The following ATP7B variants were observed in gnomAD, a reference collection of about 807,000 sequenced individuals.
The protein encoded by ATP7B is copper-transporting ATPase 2.
In ATP7B, 113 loss-of-function variants were observed where a neutral mutation model predicts 118.9. The ratio of observed to expected loss-of-function variants is 0.95; its 90% CI spans 0.82 to 1.11. The LOEUF (loss-of-function observed/expected upper bound fraction) is 1.11, where lower values mean the gene tolerates loss of function less well. Ranked by LOEUF, ATP7B falls within the 50% of genes most tolerant of loss-of-function variation. The pLI, the probability that ATP7B is intolerant of heterozygous loss-of-function variation, is 0.00. For synonymous variants in ATP7B, 777 were observed against 727.4 expected (o/e 1.07, Z -1.10); for missense variants, 1,867 against 1,871.4 (o/e 1.00, Z 0.04).
intron 4 of ATP7B, chr13:51,966,901 A>G: frequency 1.9e-6 from 3 of 1,613,180 alleles, no homozygotes; most frequent in Non-Finnish European, 2.5e-6. Context: ...AAACCTCACC[A>G]CAAAAACCGA....
chr13:51,997,888 G>T (rs1234592025), intron 1 of ATP7B, among the ~76,000 whole-genome samples: 5 of 152,136 alleles, frequency 3.3e-5, no homozygotes, highest in Non-Finnish European at 5.9e-5. Context: ...CGGGGAGGGT[G>T]GGAAGAAGGC....
chr13:51,981,199 T>C (rs930345117), intron 1 of ATP7B, among the ~76,000 whole-genome samples: 5 of 152,174 alleles, frequency 3.3e-5, no homozygotes, highest in African/African-American at 1.2e-4. Context: ...AAACAACTTT[T>C]AGAGTAACCT....
intron 3 of ATP7B, among the ~76,000 whole-genome samples, chr13:51,969,487 G>A (rs189473439): frequency 4.8e-4 from 72 of 150,478 alleles, no homozygotes; most frequent in African/African-American, 1.7e-3. Flanking sequence ...AAAAAATAAA[G>A]AATTTTCAAA....
intron 1 of ATP7B, among the ~76,000 whole-genome samples, chr13:52,007,310 G>C (rs1953820014): frequency 6.6e-6 from 1 of 152,150 alleles, no homozygotes; most frequent in African/African-American, 2.4e-5. Flanking sequence ...AGTCAGGCAG[G>C]CCTGGCTAGG....
In ATP7B at chr13:51,974,914, A is replaced by G. The variant is rs1342474321; in HGVS notation, c.306T>C (p.Tyr102=). Reference sequence around the variant, plus strand: ...GTTGCAGGCACACAACCGATGGCACATATTTCACAGTGGCACTGCCTTGTT... The same window carrying G: ...GTTGCAGGCACACAACCGATGGCACGTATTTCACAGTGGCACTGCCTTGTT... ...SLEQGSATVK[Y]VPSVVCLQQV... Residue 102 remains tyrosine (Y), a synonymous_variant, in exon 2 of 21, where the codon TAT becomes TAC. Transcript: ENST00000242839. The G allele has an allele frequency of 6.2e-7, 1 of 1,614,236 alleles. No homozygotes were observed. Among genetic ancestry groups the G allele is most frequent in the African/African-American group, 1.3e-5 (1 of 75,068 alleles).
rs1457541677 is a variant in ATP7B, at chr13:51,949,695, A to G, written c.2832T>C (p.Phe944=). The G allele has an allele frequency of 4.3e-6, 7 of 1,614,086 alleles. No homozygotes were observed. The highest frequency in any genetic ancestry group is 5.9e-6 in the Non-Finnish European group (7 of 1,179,994). ...LTLVVWIVIG[F]IDFGVVQRYF... ...ATCTCTGAACAACACCAAAATCGAT[A>G]AAACCGATTACAATCCATACCACCA... The change falls in exon 12 of 21, where the codon TTT becomes TTC. Residue 944 remains phenylalanine, a synonymous_variant. Transcript: ENST00000242839.
chr13:51,988,355 G>A (rs1952756738), intron 1 of ATP7B, among the ~76,000 whole-genome samples: 1 of 152,182 alleles, frequency 6.6e-6, no homozygotes, highest in South Asian at 2.1e-4. Context: ...ACCACAATGA[G>A]ATACCATCTC....
chr13:52,008,122 A>T (rs1052396284), intron 1 of ATP7B, among the ~76,000 whole-genome samples: 1 of 152,080 alleles, frequency 6.6e-6, no homozygotes, highest in Admixed American at 6.5e-5. Flanking sequence ...TGGGCGGATC[A>T]CGAGATCAAG....
intron 7 of ATP7B, chr13:51,959,332 C>G (rs967902631): frequency 2.6e-5 from 4 of 152,560 alleles, no homozygotes; most frequent in Non-Finnish European, 5.8e-5. Flanking sequence ...GAGTTTGAGA[C>G]CAACCTGGGC....
Position 52,011,356 on chromosome 13 carries a change from A to C in ATP7B, c.-19T>G, listed in dbSNP as rs1401019027. 1 of 1,614,090 alleles carries C rather than the reference A, an allele frequency of 6.2e-7. No individual in the cohort carries two copies. Among genetic ancestry groups the C allele is most frequent in the Non-Finnish European group, 8.5e-7 (1 of 1,180,010 alleles). On this transcript the variant is annotated 5_prime_UTR_variant, in exon 1 of 21. In the 5' UTR this introduces an upstream ATG that the reference lacks. Coordinates refer to ENST00000242839, the MANE Select transcript of ATP7B (RefSeq NM_000053.4). Reference sequence around the variant, plus strand: ...CAGGCATCGTCCCGCACGGACACCGAATTCTTCTCTGATCTGGCTCAGAGC... The same window carrying C: ...CAGGCATCGTCCCGCACGGACACCGCATTCTTCTCTGATCTGGCTCAGAGC...
chr13:51,974,275 G>A lies in ATP7B; in HGVS notation c.945C>T (p.Ile315=), dbSNP rs776855440. 8 of 1,614,128 alleles carry A rather than the reference G, an allele frequency of 5.0e-6. No homozygotes were observed. Among genetic ancestry groups the A allele is most frequent in the East Asian group, 4.5e-5 (2 of 44,872 alleles). ...TAAAATTCCCAGGTGGAAGTGCCTCGATAGCCCTCTGCAGAGCCACTGGGC... is the reference window on the plus strand; with the variant it reads ...TAAAATTCCCAGGTGGAAGTGCCTCAATAGCCCTCTGCAGAGCCACTGGGC... ...CTSPVALQRA[I]EALPPGNFKV... The change falls in exon 2 of 21, where the codon ATC becomes ATT. Residue 315 remains isoleucine (I), a synonymous_variant. Coordinates refer to ENST00000242839, the MANE Select transcript of ATP7B (RefSeq NM_000053.4).
In ATP7B at chr13:51,965,486, C is replaced by T. The variant is rs145983983; in HGVS notation, c.1708-453G>A. 4.7e-4 allele frequency among the ~76,000 whole-genome samples: 71 copies of T among 152,280 alleles called. 1 individual carries two copies. Among genetic ancestry groups the T allele is most frequent in the Middle Eastern group, 3.4e-3 (1 of 294 alleles). ...TCTGCAGCTGCTGCTAGCATCCTCCCTATTTTAGTGCTCTGCTGGCTCCAA... is the reference window on the plus strand; with the variant it reads ...TCTGCAGCTGCTGCTAGCATCCTCCTTATTTTAGTGCTCTGCTGGCTCCAA... On this transcript the variant is annotated intron_variant, in intron 4 of 20. Transcript: ENST00000242839.
At chr13:51,945,789 G>A (rs1957608145) in intron 13 of ATP7B, among the ~76,000 whole-genome samples, 1 of 152,222 alleles carries the variant, frequency 6.6e-6, no homozygotes, top group Non-Finnish European at 1.5e-5. Flanking sequence ...GATTAAATAG[G>A]TGAAAGTGTG....
At chr13:51,978,465 A>G (rs1023784792) in intron 1 of ATP7B, among the ~76,000 whole-genome samples, 1 of 152,246 alleles carries the variant, frequency 6.6e-6, no homozygotes, top group Non-Finnish European at 1.5e-5. Context: ...ACCTATTAAA[A>G]TTACAAATTT....
At chr13:51,981,814 T>A (rs1195762172) in intron 1 of ATP7B, among the ~76,000 whole-genome samples, 1 of 152,158 alleles carries the variant, frequency 6.6e-6, no homozygotes, top group Non-Finnish European at 1.5e-5. Flanking sequence ...AGTTCCAATT[T>A]TTCAAACTTA....
chr13:51,948,008 C>T (rs968978627), intron 12 of ATP7B: 6 of 152,178 alleles, frequency 3.9e-5, no homozygotes, highest in African/African-American at 1.4e-4. Flanking sequence ...CCGAAAAAGC[C>T]GAAATTATAG....
In ATP7B at chr13:51,953,851, T is replaced by TAAAAAAAAAAAAAAAAA. The variant is rs561139788; in HGVS notation, c.2448-3469_2448-3453dup. Among the ~76,000 whole-genome samples the TAAAAAAAAAAAAAAAAA allele has an allele frequency of 2.1e-3, 197 of 94,248 alleles. 8 individuals carry two copies. The highest frequency in any genetic ancestry group is 6.8e-3 in the Middle Eastern group (1 of 148). 61.8% of individuals were successfully genotyped at this position (94,248 alleles called of 152,430 possible). On this transcript the variant is annotated intron_variant, in intron 9 of 20. Coordinates refer to ENST00000242839, the MANE Select transcript of ATP7B (RefSeq NM_000053.4). Reference sequence around the variant, plus strand: ...TTGTAATTTGTTTCCCCATCAATTGTAAAAAAAAAAAAAAAAACCAGAAAA... The same window carrying TAAAAAAAAAAAAAAAAA: ...TTGTAATTTGTTTCCCCATCAATTGTAAAAAAAAAAAAAAAAAAAAAAAAAAAAAAAAAACCAGAAAA...
rs187209079 is a variant in ATP7B, at chr13:51,974,058, G to C, written c.1162C>G (p.Gln388Glu). 6.2e-7 allele frequency: 1 copy of C among 1,614,196 alleles called. No individual in the cohort carries two copies. Among genetic ancestry groups the C allele is most frequent in the East Asian group, 2.2e-5 (1 of 44,878 alleles). Residue 388 changes from glutamine to glutamate, a missense_variant, in exon 2 of 21, where the codon CAG (glutamine) becomes GAG (glutamate). Coordinates refer to ENST00000242839, the MANE Select transcript of ATP7B (RefSeq NM_000053.4). The stretch of plus-strand genomic sequence containing the variant: ...TCGGCCAAAGACACCGATATTTGCT[G>C]CACCCCTTCCAGTTGGGAGATCATG... The part of the protein sequence containing the change: ...EGMISQLEGV[Q>E]QISVSLAEGT...
intron 1 of ATP7B, among the ~76,000 whole-genome samples, chr13:52,010,723 T>G (rs1404904443): frequency 1.3e-5 from 2 of 152,234 alleles, no homozygotes; most frequent in African/African-American, 4.8e-5. Context: ...CTCAACACTG[T>G]GTGCCTGAAA....
Sources: allele counts gnomAD v4.1 joint callset (sites outside exome capture counted in the v4.1 genomes callset), GRCh38; gene constraint gnomAD v4.1.1; transcripts MANE v1.5; gene names NCBI Gene and HGNC (gene_info 2026-07-23, HGNC 2026-07-21).